Variants in NEBL observed in about 807,000 individuals in gnomAD.
NEBL encodes LIM and SH3 protein 2.
Under a neutral mutation model 140.2 loss-of-function variants are expected in NEBL, and 122 were observed. The observed-to-expected ratio is 0.87, with a 90% CI of 0.75 to 1.01. The LOEUF (loss-of-function observed/expected upper bound fraction) is 1.01, where lower values mean the gene tolerates loss of function less well. Among genes scored for constraint, NEBL ranks in the 50% least tolerant of loss-of-function variants. NEBL has a pLI of 0.00. For missense variants in NEBL, 1,365 were observed against 1,231.3 expected, an observed-to-expected ratio of 1.11 and a Z score of -1.62; for synonymous variants, 436 against 398.9, an observed-to-expected ratio of 1.09 and a Z score of -1.11.
At chr10:21,082,535 TAAAAAAAAAAA>T (rs61234594) in intron 2 of NEBL, among the ~76,000 whole-genome samples, 74 of 117,292 alleles carry the variant, frequency 6.3e-4, no homozygotes, top group African/African-American at 2.5e-3. Context: ...CCACCACCAC[TAAAAAAAAAAA>T]AAAAAAAAAA....
intron 2 of NEBL, among the ~76,000 whole-genome samples, chr10:21,086,995 C>G (rs1564506320): frequency 6.6e-6 from 1 of 152,162 alleles, no homozygotes; most frequent in African/African-American, 2.4e-5. Flanking sequence ...TCAGCAGAAC[C>G]ATTAGTTTTC....
chr10:21,147,527 C>T (rs1315317735), intron 2 of NEBL, among the ~76,000 whole-genome samples: 1 of 151,984 alleles, frequency 6.6e-6, no homozygotes, highest in Non-Finnish European at 1.5e-5. Context: ...CTCTTTCAGT[C>T]ACCATTGCTG....
At chr10:21,117,762 C>T (rs1010385410) in intron 2 of NEBL, among the ~76,000 whole-genome samples, 6 of 152,126 alleles carry the variant, frequency 3.9e-5, no homozygotes, top group Non-Finnish European at 8.8e-5. Context: ...GCTGTTCTCT[C>T]AAATATCAAC....
At chr10:21,026,038 C>G (rs538826725) in intron 2 of NEBL, among the ~76,000 whole-genome samples, 2 of 152,268 alleles carry the variant, frequency 1.3e-5, no homozygotes, top group East Asian at 3.9e-4. Flanking sequence ...ATAAAATATT[C>G]CTGGTTCTCT....
chr10:21,145,907 C>T (rs914722135), intron 2 of NEBL, among the ~76,000 whole-genome samples: 1 of 152,156 alleles, frequency 6.6e-6, no homozygotes, highest in Non-Finnish European at 1.5e-5. Flanking sequence ...AGGCTCGGCT[C>T]TCTGGACCGC....
At chr10:20,971,496 G>A (rs1054127848) in intron 3 of NEBL, among the ~76,000 whole-genome samples, 2 of 148,250 alleles carry the variant, frequency 1.3e-5, no homozygotes, top group African/African-American at 5.0e-5. Flanking sequence ...TGCACATTGT[G>A]CAGGTTAGTT....
chr10:20,952,549 T>C (rs1835532076), intron 4 of NEBL, among the ~76,000 whole-genome samples: 1 of 151,486 alleles, frequency 6.6e-6, no homozygotes, highest in Admixed American at 6.6e-5. Context: ...TAAAACTGAA[T>C]GTAGAAGTTT....
intron 4 of NEBL, among the ~76,000 whole-genome samples, chr10:20,886,611 T>C (rs900023065): frequency 2.0e-5 from 3 of 152,104 alleles, no homozygotes; most frequent in Admixed American, 1.3e-4. Context: ...AAATATAGCA[T>C]AGTGTGTGGT....
At chr10:20,831,364 A>G (rs1840395610) in intron 15 of NEBL, 58 bp from the exon 16 acceptor site, 3 of 1,524,260 alleles carry the variant, frequency 2.0e-6, no homozygotes, top group Admixed American at 3.4e-5. Context: ...CGATGTTGAA[A>G]TTTACATGTT....
At chr10:20,813,841 C>CT in intron 23 of NEBL, 98 bp downstream of exon 23, 1 of 830,766 alleles carries the variant, frequency 1.2e-6, no homozygotes, top group Non-Finnish European at 2.1e-6. Flanking sequence ...CATTTCCATG[C>CT]TTTGTTAGTT....
chr10:20,862,817 A>G (rs1843854411), intron 7 of NEBL, among the ~76,000 whole-genome samples: 1 of 152,128 alleles, frequency 6.6e-6, no homozygotes, highest in Non-Finnish European at 1.5e-5. Flanking sequence ...GACTGGCTTT[A>G]TTTACATTAT....
chr10:20,820,565 C>T (rs927304954), intron 19 of NEBL, among the ~76,000 whole-genome samples: 2 of 152,200 alleles, frequency 1.3e-5, no homozygotes, highest in African/African-American at 4.8e-5. Flanking sequence ...GTGGCTCACG[C>T]CTGTAATCCT....
intron 3 of NEBL, among the ~76,000 whole-genome samples, chr10:21,006,580 T>A (rs1328958281): frequency 1.3e-5 from 2 of 152,222 alleles, no homozygotes; most frequent in Non-Finnish European, 2.9e-5. Context: ...TTTCTAGGGT[T>A]CCACTGATGG....
chr10:20,826,012 G>A (rs751389750), intron 18 of NEBL, among the ~76,000 whole-genome samples: 5 of 152,122 alleles, frequency 3.3e-5, no homozygotes, highest in Non-Finnish European at 7.4e-5. Flanking sequence ...AAAATGAACT[G>A]GTACTATTTG....
chr10:20,924,795 C>T (rs974279103), intron 4 of NEBL, among the ~76,000 whole-genome samples: 2 of 152,016 alleles, frequency 1.3e-5, no homozygotes, highest in Admixed American at 6.6e-5. Context: ...TACAAACGGT[C>T]GTTCAGTTCC....
At chr10:20,920,801 A>G (rs1207402164) in intron 4 of NEBL, among the ~76,000 whole-genome samples, 1 of 152,180 alleles carries the variant, frequency 6.6e-6, no homozygotes, top group East Asian at 1.9e-4. Flanking sequence ...AGCAAACTCT[A>G]CCATTTGAAA....
intron 7 of NEBL, among the ~76,000 whole-genome samples, chr10:20,863,245 C>A (rs1009711650): frequency 6.6e-6 from 1 of 152,132 alleles, no homozygotes; most frequent in Non-Finnish European, 1.5e-5. Flanking sequence ...TGAAGTCTAA[C>A]ACGCAAACCC....
At chr10:21,116,586 T>C (rs1377711858) in intron 2 of NEBL, among the ~76,000 whole-genome samples, 1 of 152,106 alleles carries the variant, frequency 6.6e-6, no homozygotes, top group Non-Finnish European at 1.5e-5. Flanking sequence ...ATCATCTGTG[T>C]CATTTCTAGG....
At chr10:21,236,079 TC>T (rs1247704565) in intron 3 of NEBL, among the ~76,000 whole-genome samples, 4 of 152,304 alleles carry the variant, frequency 2.6e-5, no homozygotes, top group African/African-American at 9.6e-5. Context: ...CAGAAGTCGT[TC>T]CCCTCTGGAA....
Sources: gnomAD v4.1 joint callset for allele counts (sites outside exome capture counted in the v4.1 genomes callset) on GRCh38, gnomAD v4.1.1 for gene constraint, MANE v1.5 for transcripts, NCBI Gene and HGNC (gene_info 2026-07-23, HGNC 2026-07-21) for gene names.